Variants in CPQ observed in about 807,000 individuals in gnomAD.
The protein encoded by CPQ is Ser-Met dipeptidase.
In CPQ, 37 loss-of-function variants were observed where a neutral mutation model predicts 45.7. The observed-to-expected ratio is 0.81, with a 90% CI of 0.62 to 1.07. CPQ has a LOEUF of 1.07. Ranked by LOEUF, CPQ falls within the 50% of genes least tolerant of loss-of-function variation. The pLI, the probability that CPQ is intolerant of heterozygous loss-of-function variation, is 0.00. For synonymous variants in CPQ, 186 were observed against 205.8 expected, an observed-to-expected ratio of 0.90 and a Z score of 0.82; for missense variants, 537 against 572.9, an observed-to-expected ratio of 0.94 and a Z score of 0.64.
chr8:96,744,084 A>G (rs113774582), intron 1 of CPQ, among the ~76,000 whole-genome samples: 1 of 122,282 alleles, frequency 8.2e-6, no homozygotes, highest in African/African-American at 3.0e-5. Flanking sequence ...CCTCACTGCC[A>G]CCTTGCAGTT....
intron 6 of CPQ, among the ~76,000 whole-genome samples, chr8:97,048,362 A>G (rs1221902211): frequency 1.3e-5 from 2 of 152,216 alleles, no homozygotes; most frequent in African/African-American, 4.8e-5. Flanking sequence ...TGAAAGCACT[A>G]AGGAAGGATC....
intron 6 of CPQ, among the ~76,000 whole-genome samples, chr8:97,051,841 G>A (rs1810369730): frequency 6.6e-6 from 1 of 152,150 alleles, no homozygotes; most frequent in Non-Finnish European, 1.5e-5. Flanking sequence ...GCTCCCCAGT[G>A]GCAAGCACTA....
chr8:96,781,495 A>G (rs939474365), intron 1 of CPQ, among the ~76,000 whole-genome samples: 2 of 152,206 alleles, frequency 1.3e-5, no homozygotes, highest in African/African-American at 4.8e-5. Context: ...GGGCAAATCC[A>G]TCATGATCTA....
At chr8:97,061,655 C>T (rs551776744) in intron 6 of CPQ, among the ~76,000 whole-genome samples, 3 of 152,082 alleles carry the variant, frequency 2.0e-5, no homozygotes, top group African/African-American at 7.2e-5. Context: ...AGCTGTAAGA[C>T]GTTACACATA....
rs1812860170 is a variant in CPQ at position 96,925,445 on chromosome 8, G to T, written c.850-40490G>T. 4.6e-5 allele frequency among the ~76,000 whole-genome samples: 7 copies of T among 150,726 alleles called. No individual in the cohort carries two copies. In the South Asian group the frequency reaches 1.5e-3, roughly 32 times the overall value. ...ATCCCCCAGGCTGGAGTGCATTGGT[G>T]TGATCTTGGCTCACTGCAACCCCGT... On this transcript the variant is annotated intron_variant, in intron 4 of 7. Coordinates refer to ENST00000220763, the MANE Select transcript of CPQ (RefSeq NM_016134.4).
chr8:96,830,267 C>G (rs1158718115), intron 2 of CPQ, among the ~76,000 whole-genome samples: 1 of 152,034 alleles, frequency 6.6e-6, no homozygotes, highest in Non-Finnish European at 1.5e-5. Context: ...GTCTATAAGT[C>G]TTTTTATTTT....
chr8:97,014,107 G>A (rs1201457140), intron 5 of CPQ, among the ~76,000 whole-genome samples: 1 of 152,168 alleles, frequency 6.6e-6, no homozygotes, highest in East Asian at 1.9e-4. Flanking sequence ...CTAAGAAGAT[G>A]AATCTGGCAG....
At chr8:96,877,480 T>C (rs770990588) in intron 3 of CPQ, among the ~76,000 whole-genome samples, 1 of 152,192 alleles carries the variant, frequency 6.6e-6, no homozygotes, top group Non-Finnish European at 1.5e-5. Context: ...GGAGAGTTTG[T>C]TGAATCCCAG....
At chr8:97,082,530 C>T (rs575581002) in intron 7 of CPQ, among the ~76,000 whole-genome samples, 1 of 152,254 alleles carries the variant, frequency 6.6e-6, no homozygotes, top group African/African-American at 2.4e-5. Flanking sequence ...GATCTATTGG[C>T]AGACAAGGAA....
intron 4 of CPQ, among the ~76,000 whole-genome samples, chr8:96,915,916 C>T (rs971958612): frequency 7.2e-5 from 11 of 152,172 alleles, no homozygotes; most frequent in African/African-American, 2.7e-4. Context: ...AGATTTTCTT[C>T]TCGTTTCTGC....
At chr8:96,923,230 T>C (rs1000116635) in intron 4 of CPQ, among the ~76,000 whole-genome samples, 16 of 152,154 alleles carry the variant, frequency 1.1e-4, no homozygotes, top group African/African-American at 3.9e-4. Context: ...AAAAGGAGTA[T>C]AAAGAAGCAG....
chr8:96,989,160 C>T (rs529827149), intron 5 of CPQ, among the ~76,000 whole-genome samples: 2 of 152,036 alleles, frequency 1.3e-5, no homozygotes, highest in Admixed American at 6.6e-5. Flanking sequence ...CCTCTGCAGT[C>T]TCTAGAACTG....
At chr8:96,938,389 C>G (rs141527678) in intron 4 of CPQ, among the ~76,000 whole-genome samples, 1 of 152,046 alleles carries the variant, frequency 6.6e-6, no homozygotes, top group African/African-American at 2.4e-5. Flanking sequence ...AGAGCAGGAC[C>G]CTGGTCTCTA....
In CPQ at chr8:96,967,797, T is replaced by A. The variant is rs533202286; in HGVS notation, c.961+1751T>A. Among the ~76,000 whole-genome samples, 5 of 152,246 alleles carry A rather than the reference T, an allele frequency of 3.3e-5. No individual in the cohort carries two copies. In the South Asian group the frequency reaches 1.0e-3, roughly 32 times the overall value. On this transcript the variant is annotated intron_variant, in intron 5 of 7. Transcript: ENST00000220763. Reference sequence around the variant, plus strand: ...GGATTCTGGAGCCAGACTGCCAGGGTTCAAATCTCAGCTCTGCAGTCTGCT... The same window carrying A: ...GGATTCTGGAGCCAGACTGCCAGGGATCAAATCTCAGCTCTGCAGTCTGCT...
At chr8:96,791,062 T>C (rs957242683) in intron 2 of CPQ, among the ~76,000 whole-genome samples, 3 of 152,158 alleles carry the variant, frequency 2.0e-5, no homozygotes, top group Admixed American at 1.3e-4. Flanking sequence ...AAATCCTCCT[T>C]TTTAAGCTCT....
At chr8:96,751,269 C>T (rs769521013) in intron 1 of CPQ, among the ~76,000 whole-genome samples, 2 of 152,196 alleles carry the variant, frequency 1.3e-5, no homozygotes, top group Non-Finnish European at 2.9e-5. Context: ...TAACAGCATT[C>T]CTTTTTCTTC....
chr8:97,095,835 TG>T (rs148215713), intron 7 of CPQ, among the ~76,000 whole-genome samples: 2,708 of 152,292 alleles, frequency 0.018, 69 homozygotes, highest in African/African-American at 0.061. Context: ...TATCTAAGGC[TG>T]TTTGGTACTC....
intron 5 of CPQ, among the ~76,000 whole-genome samples, chr8:97,027,199 A>T (rs1013148969): frequency 6.6e-6 from 1 of 152,164 alleles, no homozygotes; most frequent in African/African-American, 2.4e-5. Context: ...TATCTTTGGC[A>T]ATCCTGATTA....
At chr8:96,690,103 G>A (rs549138082) in intron 1 of CPQ, among the ~76,000 whole-genome samples, 2 of 151,782 alleles carry the variant, frequency 1.3e-5, no homozygotes, top group Non-Finnish European at 2.9e-5. Context: ...TACTTAGTTT[G>A]CATTTTTAAT....
Sources: allele counts gnomAD v4.1 joint callset (sites outside exome capture counted in the v4.1 genomes callset), GRCh38; gene constraint gnomAD v4.1.1; transcripts MANE v1.5; gene names NCBI Gene and HGNC (gene_info 2026-07-23, HGNC 2026-07-21).